Variants in CACNA1C observed in about 807,000 individuals in gnomAD.
CACNA1C encodes voltage-dependent L-type calcium channel subunit alpha-1C.
Under a neutral mutation model 229.0 loss-of-function variants are expected in CACNA1C, and 30 were observed. The ratio of observed to expected loss-of-function variants is 0.13; its 90% CI spans 0.10 to 0.18. CACNA1C has a LOEUF of 0.18. CACNA1C is among the 10% of genes least tolerant of loss of function. The pLI is 1.00. For synonymous variants in CACNA1C, 1,114 were observed against 1,132.5 expected, an observed-to-expected ratio of 0.98 and a Z score of 0.33; for missense variants, 1,658 against 2,845.0, an observed-to-expected ratio of 0.58 and a Z score of 9.49.
chr12:2,610,758 G>T, intron 28 of CACNA1C, 59 bp downstream of exon 28: 1 of 1,582,958 alleles, frequency 6.3e-7, no homozygotes. Flanking sequence ...CATGGGGATG[G>T]AAAGTGTAAC....
At chr12:2,030,440 G>A (rs2048037250) in intron 1 of CACNA1C, among the ~76,000 whole-genome samples, 1 of 151,796 alleles carries the variant, frequency 6.6e-6, no homozygotes, top group African/African-American at 2.4e-5. Context: ...ACCTTCTTAG[G>A]TTACTTTGCC....
chr12:2,175,278 C>T (rs1241211972), intron 3 of CACNA1C, among the ~76,000 whole-genome samples: 2 of 152,158 alleles, frequency 1.3e-5, no homozygotes, highest in African/African-American at 4.8e-5. Context: ...CTACACATTA[C>T]ATTTGCTTGT....
At chr12:2,674,191 G>A (rs1410174786) in intron 38 of CACNA1C, among the ~76,000 whole-genome samples, 2 of 152,244 alleles carry the variant, frequency 1.3e-5, no homozygotes, top group Non-Finnish European at 2.9e-5. Flanking sequence ...TGAGCGCATG[G>A]CCGCCATTGT....
chr12:2,386,472 G>C (rs972982069), intron 3 of CACNA1C, among the ~76,000 whole-genome samples: 7 of 152,130 alleles, frequency 4.6e-5, no homozygotes, highest in Non-Finnish European at 1.0e-4. Flanking sequence ...CGAGTGCCAT[G>C]TTATTTCTCA....
At position 2,605,113 on chromosome 12, in the gene CACNA1C, G is replaced by A. The variant is rs755609118; in HGVS notation, c.2993G>A (p.Arg998Gln). The A allele has an allele frequency of 1.2e-6, 2 of 1,613,742 alleles. No homozygotes were observed. The highest frequency in any genetic ancestry group is 1.7e-6 in the Non-Finnish European group (2 of 1,179,754). ...GCAATCAATGTCGTGAAGATCTTGC[G>A]AGTCCTGCGAGTACTCAGGCCCCTG... is the stretch of plus-strand genomic sequence containing the variant. ...SSAINVVKIL[R>Q]VLRVLRPLRA... The change falls in exon 23 of 47, where the codon CGA becomes CAA. Residue 998 changes from arginine (R) to glutamine (Q), a missense_variant. Physicochemically the swap from Arg to Gln is conservative, Grantham distance 43. This residue lies in a region of CACNA1C where 39 missense variants were observed against 143.3 expected (regional missense o/e 0.27). Coordinates refer to ENST00000399655, the MANE Select transcript of CACNA1C (RefSeq NM_000719.7). This position sits in a 1 kb window ranked among gnomAD's most constrained non-coding sequence, Gnocchi z 6.2.
chr12:2,630,846 C>T lies in CACNA1C; in HGVS notation c.3829-3451C>T, dbSNP rs1369031068. 6.6e-6 allele frequency among the ~76,000 whole-genome samples: 1 copy of T among 152,136 alleles called. No individual in the cohort carries two copies. The highest frequency in any genetic ancestry group is 1.5e-5 in the Non-Finnish European group (1 of 68,024). ...CTGGAGTAGCACAGCCTGCTGAGGA[C>T]AAGTGTGAGGCACAAGGCCTTAACT... On this transcript the variant is annotated intron_variant, in intron 29 of 46. Transcript: ENST00000399655. The surrounding 1 kb of genome is among the most constrained non-coding windows in gnomAD (Gnocchi z 5.4).
intron 1 of CACNA1C, among the ~76,000 whole-genome samples, chr12:2,093,984 G>A (rs904791130): frequency 2.0e-5 from 3 of 152,218 alleles, no homozygotes; most frequent in Admixed American, 6.5e-5. Context: ...AGTAACCTCC[G>A]CATGTGTGAA....
chr12:2,433,830 G>T (rs2099109621), intron 3 of CACNA1C, among the ~76,000 whole-genome samples: 1 of 152,188 alleles, frequency 6.6e-6, no homozygotes, highest in African/African-American at 2.4e-5. Context: ...GTTGAGCCCA[G>T]TGTTTCTCCA....
intron 3 of CACNA1C, among the ~76,000 whole-genome samples, chr12:2,367,192 T>C (rs1015130582): frequency 6.6e-6 from 1 of 152,170 alleles, no homozygotes; most frequent in Non-Finnish European, 1.5e-5. Context: ...TAGATTCTCA[T>C]AAAGAGCATG....
chr12:1,982,592 A>G (rs1453750278), intron 1 of CACNA1C, among the ~76,000 whole-genome samples: 1 of 152,200 alleles, frequency 6.6e-6, no homozygotes, highest in Non-Finnish European at 1.5e-5. Flanking sequence ...GTATGTGTAT[A>G]TAATATTTTG....
chr12:2,530,387 C>T (rs1024242311), intron 9 of CACNA1C, among the ~76,000 whole-genome samples: 2 of 152,190 alleles, frequency 1.3e-5, no homozygotes, highest in Admixed American at 6.5e-5. Context: ...CCAATAGAAG[C>T]TGAGGCCCCA....
At chr12:2,059,226 T>G (rs1247992670) in intron 1 of CACNA1C, among the ~76,000 whole-genome samples, 2 of 150,950 alleles carry the variant, frequency 1.3e-5, no homozygotes, top group Non-Finnish European at 3.0e-5. Flanking sequence ...AGAGCTGAGA[T>G]GCAGAAGGTG....
intron 3 of CACNA1C, among the ~76,000 whole-genome samples, chr12:2,350,283 A>G (rs113484486): frequency 0.019 from 2,958 of 152,250 alleles, 97 homozygotes; most frequent in African/African-American, 0.067. Context: ...GTGATTATCA[A>G]CACTGAGTGA....
At chr12:2,587,115 TATA>T (rs1329611412) in intron 18 of CACNA1C, among the ~76,000 whole-genome samples, 1 of 152,236 alleles carries the variant, frequency 6.6e-6, no homozygotes, top group African/African-American at 2.4e-5. Flanking sequence ...ATCTTGTTGG[TATA>T]ATATTTTGTA....
chr12:2,640,968 T>A (rs1323555455), intron 30 of CACNA1C, among the ~76,000 whole-genome samples: 1 of 152,180 alleles, frequency 6.6e-6, no homozygotes, highest in Non-Finnish European at 1.5e-5. Flanking sequence ...AGTGCTTGCG[T>A]TGGACAGTGG....
In CACNA1C at chr12:2,679,666, A is replaced by G. The variant is rs1036332372; in HGVS notation, c.5314A>G (p.Asn1772Asp). The change falls in exon 42 of 47, where the codon AAC (asparagine) becomes GAC (aspartate). Residue 1772 changes from asparagine (N) to aspartate (D), a missense_variant. Around this residue, in one of 20 missense-constraint regions of CACNA1C, gnomAD observed 590 missense variants for 700.8 expected, o/e 0.84. Transcript: ENST00000399655. This position sits in a 1 kb window ranked among gnomAD's most constrained non-coding sequence, Gnocchi z 5.5. ...GSNANINNANNTALGRLPRPA... is the reference protein window; with the variant it reads ...GSNANINNANDTALGRLPRPA... ...CAACGCCAACATCAACAACGCCAAC[A>G]ACACCGCCCTGGGTCGCCTCCCTCG... 1 of 1,613,684 alleles carries G rather than the reference A, an allele frequency of 6.2e-7. No individual in the cohort carries two copies. The highest frequency in any genetic ancestry group is 8.5e-7 in the Non-Finnish European group (1 of 1,179,762).
intron 9 of CACNA1C, among the ~76,000 whole-genome samples, chr12:2,544,950 T>G (rs889793472): frequency 3.3e-5 from 5 of 152,234 alleles, no homozygotes; most frequent in Non-Finnish European, 7.3e-5. Context: ...TTGCTGAGCA[T>G]ACTTCTTAGA....
intron 25 of CACNA1C, 99 bp from the exon 26 acceptor site, chr12:2,606,885 C>A: frequency 7.2e-7 from 1 of 1,393,012 alleles, no homozygotes; most frequent in Non-Finnish European, 1.0e-6. Context: ...AAGTTCAAGC[C>A]AGGCAGTCCC....
intron 1 of CACNA1C, among the ~76,000 whole-genome samples, chr12:2,000,807 C>T (rs1453423681): frequency 1.3e-5 from 2 of 152,146 alleles, no homozygotes; most frequent in East Asian, 1.9e-4. Flanking sequence ...GAGGCCGAGG[C>T]GGGTGGATCA....
Sources: allele counts gnomAD v4.1 joint callset (sites outside exome capture counted in the v4.1 genomes callset), GRCh38; gene constraint gnomAD v4.1.1; regional missense constraint gnomAD v4.1.1; non-coding constraint Gnocchi (gnomAD v3.1); transcripts MANE v1.5; gene names NCBI Gene and HGNC (gene_info 2026-07-23, HGNC 2026-07-21).